The following SPATA6L variants were observed in gnomAD, a reference collection of about 807,000 sequenced individuals.
SPATA6L encodes spermatogenesis associated 6-like protein.
A neutral mutation model predicts 49.2 loss-of-function variants in SPATA6L; 68 were observed. The observed-to-expected ratio is 1.38, with a 90% CI of 1.14 to 1.69. The LOEUF is 1.69. Ranked by LOEUF, SPATA6L falls within the 40% of genes most tolerant of loss-of-function variation. The pLI, the probability that SPATA6L is intolerant of heterozygous loss-of-function variation, is 0.00. For missense variants in SPATA6L, 668 were observed against 464.3 expected (o/e 1.44, Z -4.03); for synonymous variants, 198 against 165.7 (o/e 1.19, Z -1.50).
intron 3 of SPATA6L, among the ~76,000 whole-genome samples, chr9:4,652,305 C>A (rs1424477207): frequency 6.6e-6 from 1 of 151,860 alleles, no homozygotes; most frequent in African/African-American, 2.4e-5. Context: ...GCCTGTAATG[C>A]CAGCTACTAG....
chr9:4,593,500 A>G (rs1165520216), downstream of SPATA6L, among the ~76,000 whole-genome samples: 1 of 151,970 alleles, frequency 6.6e-6, no homozygotes, highest in Non-Finnish European at 1.5e-5. Context: ...CAGGATAAAA[A>G]CTGGAACCCT....
intron 13 of SPATA6L, among the ~76,000 whole-genome samples, chr9:4,590,792 T>G (rs1354544856): frequency 6.6e-6 from 1 of 152,172 alleles, no homozygotes. Context: ...AAATGCAGAA[T>G]CAACTAAACT....
At chr9:4,619,901 A>C (rs1365828108) in intron 7 of SPATA6L, among the ~76,000 whole-genome samples, 1 of 152,164 alleles carries the variant, frequency 6.6e-6, no homozygotes, top group Non-Finnish European at 1.5e-5. Flanking sequence ...AGGTTGATTA[A>C]AAAATGTTTT....
chr9:4,595,841 C>A (rs939470873), downstream of SPATA6L, among the ~76,000 whole-genome samples: 11 of 152,292 alleles, frequency 7.2e-5, no homozygotes, highest in African/African-American at 2.6e-4. Flanking sequence ...CACTGTAAAT[C>A]AATACCATTA....
At chr9:4,652,620 C>T (rs1376620159) in intron 3 of SPATA6L, among the ~76,000 whole-genome samples, 3 of 151,888 alleles carry the variant, frequency 2.0e-5, no homozygotes, top group East Asian at 3.9e-4. Flanking sequence ...GAGTCCAAGG[C>T]GGGTGGATCA....
chr9:4,598,041 T>A (rs1211109937), downstream of SPATA6L, among the ~76,000 whole-genome samples: 15 of 152,168 alleles, frequency 9.9e-5, no homozygotes, highest in Admixed American at 9.8e-4. Context: ...GTCAAACATA[T>A]CATTTGCACT....
intron 6 of SPATA6L, 25 bp downstream of exon 6, chr9:4,625,302 C>A: frequency 6.2e-7 from 1 of 1,601,088 alleles, no homozygotes; most frequent in African/African-American, 1.3e-5. Flanking sequence ...TTGCAAAATG[C>A]TCTAAAAAAT....
rs1344558788 is a variant in SPATA6L at position 4,606,442 on chromosome 9, T to A, written c.996-1002A>T. 3.7e-5 allele frequency among the ~76,000 whole-genome samples: 2 copies of A among 54,176 alleles called. 1 individual carries two copies. Among genetic ancestry groups the A allele is most frequent in the Non-Finnish European group, 8.1e-5 (2 of 24,806 alleles). 35.5% of individuals were successfully genotyped at this position (54,176 alleles called of 152,430 possible). On this transcript the variant is annotated intron_variant, in intron 9 of 11. Transcript: ENST00000682582. ...AGCAGTGGTTCTCCCAGTACGCAGC[T>A]GGAGATCTGAGAAGGGGCAGACTGC...
chr9:4,594,212 G>GT (rs1288906080), downstream of SPATA6L, among the ~76,000 whole-genome samples: 1 of 151,976 alleles, frequency 6.6e-6, no homozygotes, highest in Non-Finnish European at 1.5e-5. Flanking sequence ...GTGGGTTTTT[G>GT]TTTTTTGTTT....
downstream of SPATA6L, among the ~76,000 whole-genome samples, chr9:4,596,842 C>T (rs980035312): frequency 2.0e-5 from 3 of 152,160 alleles, no homozygotes; most frequent in African/African-American, 7.2e-5. Flanking sequence ...GGTTTGGAAA[C>T]AAGACAGAGC....
chr9:4,627,625 A>C, intron 5 of SPATA6L: 1 of 659,816 alleles, frequency 1.5e-6, no homozygotes, highest in Non-Finnish European at 2.2e-6. Flanking sequence ...AAGTGGCAAC[A>C]ACATTATATG....
chr9:4,590,369 G>C (rs942554944), intron 13 of SPATA6L, among the ~76,000 whole-genome samples: 2 of 152,214 alleles, frequency 1.3e-5, no homozygotes, highest in African/African-American at 4.8e-5. Context: ...CAAGCAGTGA[G>C]ATCTAACCAC....
Position 4,661,887 on chromosome 9 carries a change from A to G in SPATA6L, c.177+12T>C. 1 of 1,613,062 alleles carries G rather than the reference A, an allele frequency of 6.2e-7. No individual in the cohort carries two copies. The highest frequency in any genetic ancestry group is 8.5e-7 in the Non-Finnish European group (1 of 1,179,342). On this transcript the variant is annotated intron_variant, in intron 2 of 11. Transcript: ENST00000682582. ...TTCAGACAACAAAAGCCAATGAGAAAGTCAAGATCACCTTTTCAAATCTCA... is the reference window on the plus strand; with the variant it reads ...TTCAGACAACAAAAGCCAATGAGAAGGTCAAGATCACCTTTTCAAATCTCA...
intron 9 of SPATA6L, among the ~76,000 whole-genome samples, chr9:4,614,302 G>C (rs1026555902): frequency 6.6e-6 from 1 of 152,134 alleles, no homozygotes; most frequent in Admixed American, 6.5e-5. Flanking sequence ...TAAAACCTTG[G>C]GTTGACTCTC....
chr9:4,643,738 C>T (rs1481844372), intron 3 of SPATA6L, among the ~76,000 whole-genome samples: 1 of 152,172 alleles, frequency 6.6e-6, no homozygotes, highest in African/African-American at 2.4e-5. Context: ...GGGGCAGTGG[C>T]TCACGTCTGT....
At chr9:4,605,959 G>A (rs1054522954) in intron 9 of SPATA6L, among the ~76,000 whole-genome samples, 5 of 152,166 alleles carry the variant, frequency 3.3e-5, no homozygotes, top group African/African-American at 4.8e-5. Flanking sequence ...TGCGCGCACC[G>A]TGCGCGAGCC....
intron 3 of SPATA6L, among the ~76,000 whole-genome samples, chr9:4,643,291 C>A (rs1323013583): frequency 6.6e-6 from 1 of 152,178 alleles, no homozygotes; most frequent in Non-Finnish European, 1.5e-5. Flanking sequence ...TAAGCGTGAG[C>A]CATGACATAC....
In SPATA6L at chr9:4,600,074, C is replaced by A. The variant is rs1247892482; in HGVS notation, c.*737G>T. 6.6e-6 allele frequency among the ~76,000 whole-genome samples: 1 copy of A among 152,164 alleles called. No homozygotes were observed. Among genetic ancestry groups the A allele is most frequent in the Non-Finnish European group, 1.5e-5 (1 of 68,034 alleles). On this transcript the variant is annotated 3_prime_UTR_variant, in exon 12 of 12. Coordinates refer to ENST00000682582, the MANE Select transcript of SPATA6L (RefSeq NM_001353486.2). ...GGCATTGGCAGTCCTATCTGTAGAA[C>A]CTATTTACTTAATGTGTAGTTCTTT... is the stretch of plus-strand genomic sequence containing the variant.
At chr9:4,611,366 C>A (rs1321676442) in intron 9 of SPATA6L, among the ~76,000 whole-genome samples, 1 of 148,816 alleles carries the variant, frequency 6.7e-6, no homozygotes, top group Non-Finnish European at 1.5e-5. Context: ...TATTGCGGCA[C>A]TACTCACAAT....
Sources: allele counts gnomAD v4.1 joint callset (sites outside exome capture counted in the v4.1 genomes callset), GRCh38; gene constraint gnomAD v4.1.1; transcripts MANE v1.5; gene names NCBI Gene and HGNC (gene_info 2026-07-23, HGNC 2026-07-21).